Variants in ANKRD42 observed in about 807,000 individuals in gnomAD.
ANKRD42 encodes the protein ankyrin repeat domain-containing protein 42.
In ANKRD42, 43 loss-of-function variants were observed where a neutral mutation model predicts 51.5. The observed-to-expected ratio is 0.83, with a 90% CI of 0.65 to 1.08. The LOEUF is 1.08. ANKRD42 is among the 50% of genes least tolerant of loss of function. The probability of loss-of-function intolerance (pLI) is 0.00; values close to 1 mark genes in which losing one functional copy is unlikely to be tolerated. For missense variants in ANKRD42, 608 were observed against 629.3 expected (o/e 0.97, Z 0.36); for synonymous variants, 203 against 213.0 (o/e 0.95, Z 0.41).
At chr11:83,224,542 T>A (rs976035470) in intron 5 of ANKRD42, among the ~76,000 whole-genome samples, 1 of 152,188 alleles carries the variant, frequency 6.6e-6, no homozygotes, top group Non-Finnish European at 1.5e-5. Context: ...TTCCTGTCAT[T>A]TGGGGCAGGG....
rs772564461 is a variant in ANKRD42 at position 83,194,399 on chromosome 11, A to AC, written c.-270dup. 1.5e-5 allele frequency: 10 copies of AC among 665,748 alleles called. No homozygotes were observed. The highest frequency in any genetic ancestry group is 2.8e-5 in the Non-Finnish European group (10 of 362,000). 41.2% of individuals were successfully genotyped at this position (665,748 alleles called of 1,614,324 possible). ...AGTTCTTGGGAGGAAGTAAGTGGAGACCGCGGCTACGCAGCCAGCGACTCC... is the reference window on the plus strand; with the variant it reads ...AGTTCTTGGGAGGAAGTAAGTGGAGACCCGCGGCTACGCAGCCAGCGACTCC... On this transcript the variant is annotated 5_prime_UTR_variant, in exon 1 of 11. Transcript: ENST00000533342.
At chr11:83,262,468 G>A (rs936187095), downstream of ANKRD42, among the ~76,000 whole-genome samples, 19 of 152,114 alleles carry the variant, frequency 1.2e-4, no homozygotes, top group African/African-American at 3.9e-4. Context: ...GGCAGAAAAA[G>A]CATTAGGTTT....
At chr11:83,255,841 A>G in intron 11 of ANKRD42, 2 of 1,525,140 alleles carry the variant, frequency 1.3e-6, no homozygotes, top group Middle Eastern at 1.7e-4. Context: ...TCCTTTGCTT[A>G]TAGGAAGACA....
chr11:83,241,422 G>C (rs745334465), intron 9 of ANKRD42, among the ~76,000 whole-genome samples: 7 of 152,186 alleles, frequency 4.6e-5, no homozygotes, highest in Non-Finnish European at 1.0e-4. Flanking sequence ...AAATAGAGTA[G>C]AGTGGTGCTA....
intron 8 of ANKRD42, among the ~76,000 whole-genome samples, chr11:83,237,122 G>A (rs1863247420): frequency 6.6e-6 from 1 of 152,290 alleles, no homozygotes. Context: ...TCTGTGATTA[G>A]TGGTAGAAAT....
At chr11:83,264,250 T>C (rs1864108992), downstream of ANKRD42, among the ~76,000 whole-genome samples, 2 of 152,326 alleles carry the variant, frequency 1.3e-5, no homozygotes, top group South Asian at 4.1e-4. Flanking sequence ...AATACTGTGC[T>C]TTCTAATAAA....
chr11:83,205,997 T>A, intron 2 of ANKRD42, 61 bp from the exon 3 acceptor site: 2 of 1,431,560 alleles, frequency 1.4e-6, no homozygotes, highest in East Asian at 4.6e-5. Flanking sequence ...AGACCAAATT[T>A]AAAAGATAAA....
At chr11:83,262,582 A>G (rs1863989936), downstream of ANKRD42, among the ~76,000 whole-genome samples, 1 of 152,186 alleles carries the variant, frequency 6.6e-6, no homozygotes, top group Non-Finnish European at 1.5e-5. Context: ...TGAGGCCTTT[A>G]GGGACTCCCT....
At chr11:83,262,098 A>C (rs1232249485), downstream of ANKRD42, 1 of 591,910 alleles carries the variant, frequency 1.7e-6, no homozygotes, top group Non-Finnish European at 2.9e-6. Flanking sequence ...TATGTTTTTT[A>C]TTCCCTAGAC....
chr11:83,218,929 T>A (rs975716647), intron 5 of ANKRD42, among the ~76,000 whole-genome samples: 3 of 152,250 alleles, frequency 2.0e-5, no homozygotes, highest in Non-Finnish European at 2.9e-5. Context: ...TAATTAATAC[T>A]TCCCTCAGGG....
intron 1 of ANKRD42, among the ~76,000 whole-genome samples, chr11:83,196,400 T>A (rs745730343): frequency 3.6e-4 from 14 of 38,718 alleles, no homozygotes; most frequent in East Asian, 2.0e-3. Context: ...TGTGTGAGAG[T>A]GTGTGTGTGT....
intron 5 of ANKRD42, chr11:83,212,960 C>G (rs1862382032): frequency 6.4e-7 from 1 of 1,557,916 alleles, no homozygotes; most frequent in South Asian, 1.2e-5. Context: ...AAGCCCCTCT[C>G]TCGGCGCTGC....
chr11:83,202,830 T>C (rs927178389), intron 2 of ANKRD42, among the ~76,000 whole-genome samples: 1 of 152,188 alleles, frequency 6.6e-6, no homozygotes, highest in Non-Finnish European at 1.5e-5. Flanking sequence ...CATCTTTTTT[T>C]CCACAATACC....
chr11:83,254,430 C>CTT (rs778427623), intron 11 of ANKRD42, among the ~76,000 whole-genome samples: 2,818 of 130,328 alleles, frequency 0.022, 96 homozygotes, highest in South Asian at 0.029. Flanking sequence ...TTTCTTTTTT[C>CTT]TTTTCTTTTT....
intron 10 of ANKRD42, among the ~76,000 whole-genome samples, chr11:83,246,664 C>T (rs1271471069): frequency 6.6e-6 from 1 of 152,140 alleles, no homozygotes; most frequent in East Asian, 1.9e-4. Context: ...TTCCTTTGGT[C>T]GTGTCTTGTT....
intron 1 of ANKRD42, among the ~76,000 whole-genome samples, chr11:83,195,837 C>CTCTCTCTCT (rs2135470198): frequency 6.7e-6 from 1 of 148,552 alleles, no homozygotes; most frequent in African/African-American, 2.6e-5. Flanking sequence ...CCTACTCTCT[C>CTCTCTCTCT]TCTCTCTCTT....
At chr11:83,219,028 C>G (rs1862630262) in intron 5 of ANKRD42, among the ~76,000 whole-genome samples, 1 of 152,104 alleles carries the variant, frequency 6.6e-6, no homozygotes, top group Non-Finnish European at 1.5e-5. Context: ...GTTTCAGGGT[C>G]AAATTTGTCC....
At chr11:83,227,065 C>G (rs151208847) in intron 6 of ANKRD42, among the ~76,000 whole-genome samples, 28 of 152,242 alleles carry the variant, frequency 1.8e-4, no homozygotes, top group African/African-American at 6.5e-4. Context: ...TGCTTCTAGT[C>G]TATTTTGCTG....
At chr11:83,221,749 G>A (rs1306428683) in intron 5 of ANKRD42, among the ~76,000 whole-genome samples, 1 of 152,190 alleles carries the variant, frequency 6.6e-6, no homozygotes, top group East Asian at 1.9e-4. Context: ...CAGGGGACCT[G>A]TGGAAAGAAC....
Sources: gnomAD v4.1 joint callset for allele counts (sites outside exome capture counted in the v4.1 genomes callset) on GRCh38, gnomAD v4.1.1 for gene constraint, MANE v1.5 for transcripts, NCBI Gene and HGNC (gene_info 2026-07-23, HGNC 2026-07-21) for gene names.